NLGN4X: variants seen among roughly 807,000 people sequenced by gnomAD.
NLGN4X encodes neuroligin 4 X-linked.
NLGN4X carries 3 observed loss-of-function variants against 40.3 expected under a neutral mutation model. That is an observed-to-expected ratio of 0.07 (90% confidence interval 0.03 to 0.19). The LOEUF (loss-of-function observed/expected upper bound fraction) is 0.19. Ranked by LOEUF, NLGN4X falls within the 10% of genes least tolerant of loss-of-function variation. The pLI is 1.00. For synonymous variants in NLGN4X, 270 were observed against 306.8 expected (o/e 0.88, Z 1.25); for missense variants, 382 against 708.3 (o/e 0.54, Z 5.23).
In NLGN4X at chrX:6,087,603, C is replaced by T. The variant is rs1186201104; in HGVS notation, c.473-58171G>A. ...TGTGTATATATCTGTAAGATAGATT[C>T]CTGGAAGCAAAAATGCTTCCAGAGG... On this transcript the variant is annotated intron_variant, in intron 2 of 5. Transcript: ENST00000381095. Among the ~76,000 whole-genome samples the T allele has an allele frequency of 4.5e-5, 5 of 111,263 alleles. No homozygotes were observed. In the East Asian group the frequency reaches 1.4e-3, roughly 32 times the overall value.
intron 3 of NLGN4X, among the ~76,000 whole-genome samples, chrX:5,919,882 T>C (rs1418589718): frequency 1.8e-5 from 2 of 111,970 alleles, no homozygotes; most frequent in Non-Finnish European, 3.8e-5. Context: ...TATATTCTAG[T>C]TACAAGTCAA....
intron 3 of NLGN4X, among the ~76,000 whole-genome samples, chrX:6,024,804 C>T (rs2036646895): frequency 9.0e-6 from 1 of 111,554 alleles, no homozygotes; most frequent in Admixed American, 9.5e-5. Context: ...TAATTGCCAC[C>T]CCTTTCCCGG....
At chrX:5,896,482 TA>T (rs1321619476) in intron 5 of NLGN4X, among the ~76,000 whole-genome samples, 1 of 111,690 alleles carries the variant, frequency 9.0e-6, no homozygotes, top group Non-Finnish European at 1.9e-5. Context: ...CTCCTGTGAG[TA>T]AAATTAAAGA....
At chrX:6,218,471 AACCC>A (rs59343148) in intron 1 of NLGN4X, among the ~76,000 whole-genome samples, 19,675 of 71,962 alleles carry the variant, frequency 0.27, 2,003 homozygotes, top group African/African-American at 0.52. Flanking sequence ...TGAGAGATTA[AACCC>A]ACACACACAC....
intron 2 of NLGN4X, among the ~76,000 whole-genome samples, chrX:6,075,382 G>C (rs962917836): frequency 1.8e-5 from 2 of 111,834 alleles, no homozygotes; most frequent in African/African-American, 6.5e-5. Flanking sequence ...ATGCTATAAA[G>C]AACAGGGAAC....
intron 3 of NLGN4X, among the ~76,000 whole-genome samples, chrX:5,969,430 T>C (rs2034944770): frequency 9.0e-6 from 1 of 111,728 alleles, no homozygotes. Flanking sequence ...AAAATGCTCA[T>C]CATCACTGGC....
intron 3 of NLGN4X, chrX:5,991,289 A>G (rs2035676878): frequency 3.1e-6 from 1 of 324,303 alleles, no homozygotes; most frequent in Non-Finnish European, 5.5e-6. Flanking sequence ...CCAATGAGAC[A>G]TTGTTCTTCT....
chrX:5,959,126 T>C (rs766819332), intron 3 of NLGN4X, among the ~76,000 whole-genome samples: 1 of 111,922 alleles, frequency 8.9e-6, no homozygotes, highest in African/African-American at 3.2e-5. Flanking sequence ...TTCCATAAAC[T>C]TGTGAGAGGT....
chrX:6,077,644 C>A (rs753307502), intron 2 of NLGN4X, among the ~76,000 whole-genome samples: 1 of 110,841 alleles, frequency 9.0e-6, no homozygotes, highest in Non-Finnish European at 1.9e-5. Context: ...AAAATTTTGT[C>A]GGATTAACCT....
intron 5 of NLGN4X, 46 bp from the exon 6 acceptor site, chrX:5,893,712 T>C (rs761434990): frequency 3.3e-6 from 4 of 1,194,077 alleles, no homozygotes; most frequent in African/African-American, 3.5e-5. Flanking sequence ...CTCTTCCACA[T>C]GTGACGTGAA....
intron 2 of NLGN4X, among the ~76,000 whole-genome samples, chrX:6,148,368 C>T (rs139641755): frequency 8.9e-6 from 1 of 111,760 alleles, no homozygotes; most frequent in African/African-American, 3.3e-5. Context: ...TAAATAAAAG[C>T]ATTGATCTGA....
intron 1 of NLGN4X, among the ~76,000 whole-genome samples, chrX:6,178,113 C>A (rs1056027625): frequency 2.7e-5 from 3 of 110,975 alleles, no homozygotes; most frequent in African/African-American, 9.8e-5. Context: ...TTATAGTAGC[C>A]CAAATGGACT....
At chrX:5,922,935 A>G (rs2033130722) in intron 3 of NLGN4X, among the ~76,000 whole-genome samples, 2 of 111,775 alleles carry the variant, frequency 1.8e-5, no homozygotes, top group African/African-American at 6.5e-5. Context: ...ATATCTATGT[A>G]TATCTATATC....
chrX:5,896,670 A>C (rs1157735793), intron 5 of NLGN4X, among the ~76,000 whole-genome samples: 1 of 112,143 alleles, frequency 8.9e-6, no homozygotes, highest in Non-Finnish European at 1.9e-5. Flanking sequence ...TCATTTCTTT[A>C]GCTGGAGATG....
chrX:5,966,348 G>C (rs780247103), intron 3 of NLGN4X, among the ~76,000 whole-genome samples: 2 of 112,191 alleles, frequency 1.8e-5, no homozygotes, highest in Admixed American at 9.4e-5. Context: ...TAAACACTTA[G>C]TAAATTCATC....
At chrX:6,061,103 G>A (rs754869378) in intron 2 of NLGN4X, among the ~76,000 whole-genome samples, 3 of 111,520 alleles carry the variant, frequency 2.7e-5, no homozygotes, top group Non-Finnish European at 5.6e-5. Context: ...GAGCTATAAT[G>A]TGGTTCTGCC....
chrX:6,079,912 C>A (rs768696752), intron 2 of NLGN4X, among the ~76,000 whole-genome samples: 3 of 111,061 alleles, frequency 2.7e-5, no homozygotes, highest in Middle Eastern at 4.6e-3. Flanking sequence ...CACCCCAGAT[C>A]ACACAGGTAA....
At chrX:6,133,107 T>C (rs2039717220) in intron 2 of NLGN4X, among the ~76,000 whole-genome samples, 1 of 107,390 alleles carries the variant, frequency 9.3e-6, no homozygotes, top group Non-Finnish European at 1.9e-5. Flanking sequence ...ATCATCATCA[T>C]AACCATCACC....
chrX:5,921,148 C>CATATATATATATATATATACAT, intron 3 of NLGN4X, among the ~76,000 whole-genome samples: 1 of 91,035 alleles, frequency 1.1e-5, no homozygotes, highest in South Asian at 5.9e-4. Context: ...TATATATATA[C>CATATATATATATATATATACAT]ATATATATAT....
Sources: allele counts gnomAD v4.1 joint callset (sites outside exome capture counted in the v4.1 genomes callset), GRCh38; gene constraint gnomAD v4.1.1; transcripts MANE v1.5; gene names NCBI Gene and HGNC (gene_info 2026-07-23, HGNC 2026-07-21).